Variants in GMDS observed in about 807,000 individuals in gnomAD.
The protein encoded by GMDS is GDP-mannose 4,6-dehydratase, also known as GDP-mannose 4,6 dehydratase.
A neutral mutation model predicts 49.9 loss-of-function variants in GMDS; 20 were observed. The observed-to-expected ratio is 0.40, with a 90% CI of 0.28 to 0.58. GMDS has a LOEUF of 0.58. GMDS is among the 20% of genes least tolerant of loss of function. GMDS has a pLI of 0.42. For synonymous variants in GMDS, 177 were observed against 178.6 expected (o/e 0.99, Z 0.07); for missense variants, 362 against 481.4 (o/e 0.75, Z 2.32).
intron 4 of GMDS, among the ~76,000 whole-genome samples, chr6:2,111,048 G>A (rs1163307399): frequency 6.6e-6 from 1 of 152,192 alleles, no homozygotes; most frequent in African/African-American, 2.4e-5. Flanking sequence ...TAGGTTCACT[G>A]TAGAAAGATC....
At chr6:2,112,963 T>C (rs1476721783) in intron 4 of GMDS, among the ~76,000 whole-genome samples, 7 of 152,168 alleles carry the variant, frequency 4.6e-5, no homozygotes, top group South Asian at 2.1e-4. Context: ...TTTCTCCAGT[T>C]ACTACTTGGC....
intron 1 of GMDS, among the ~76,000 whole-genome samples, chr6:2,231,083 G>C (rs6925655): frequency 0.042 from 6,439 of 151,648 alleles, 379 homozygotes; most frequent in African/African-American, 0.13. Flanking sequence ...CACCCAGAAG[G>C]TCCCCAAAAC....
At chr6:1,819,562 A>G (rs1770800836) in intron 7 of GMDS, among the ~76,000 whole-genome samples, 1 of 151,922 alleles carries the variant, frequency 6.6e-6, no homozygotes, top group African/African-American at 2.4e-5. Flanking sequence ...GAAGTTTGAG[A>G]CCAGCCTGGC....
chr6:1,840,627 T>A (rs1246997701), intron 7 of GMDS, among the ~76,000 whole-genome samples: 1 of 152,192 alleles, frequency 6.6e-6, no homozygotes, highest in Non-Finnish European at 1.5e-5. Flanking sequence ...TAGGGCCAGA[T>A]GCTCGTTTTT....
In GMDS at chr6:1,721,263, G is replaced by A. The variant is rs140400086; in HGVS notation, c.987+5153C>T. On this transcript the variant is annotated intron_variant, in intron 9 of 10. Transcript: ENST00000380815. The stretch of plus-strand genomic sequence containing the variant: ...AGGCCACATGTTTTTACGGGAGGAA[G>A]GTGTTGTTTTAACTAGCTTGTTGGA... Among the ~76,000 whole-genome samples the A allele has an allele frequency of 3.6e-3, 551 of 152,230 alleles. 5 individuals carry two copies. Among genetic ancestry groups the A allele is most frequent in the African/African-American group, 0.012 (504 of 41,538 alleles).
chr6:1,907,285 G>A (rs1760826130), intron 7 of GMDS, among the ~76,000 whole-genome samples: 1 of 152,152 alleles, frequency 6.6e-6, no homozygotes, highest in Non-Finnish European at 1.5e-5. Flanking sequence ...ATGAGAAACT[G>A]GTGGATGGGT....
At chr6:1,981,642 G>T (rs1241117057) in intron 4 of GMDS, among the ~76,000 whole-genome samples, 1 of 152,076 alleles carries the variant, frequency 6.6e-6, no homozygotes, top group African/African-American at 2.4e-5. Flanking sequence ...AAAAATTGAG[G>T]ATGAGGGACT....
chr6:1,856,111 A>G (rs1449919208), intron 7 of GMDS, among the ~76,000 whole-genome samples: 1 of 152,176 alleles, frequency 6.6e-6, no homozygotes, highest in East Asian at 1.9e-4. Context: ...AAGTACATAG[A>G]CTGCCTCAGG....
chr6:1,813,665 T>C (rs568273677), intron 7 of GMDS, among the ~76,000 whole-genome samples: 3 of 152,268 alleles, frequency 2.0e-5, no homozygotes, highest in African/African-American at 4.8e-5. Flanking sequence ...AGCATCCCCA[T>C]GCGACACGTA....
At chr6:1,945,890 T>C (rs1224755814) in intron 6 of GMDS, among the ~76,000 whole-genome samples, 3 of 152,226 alleles carry the variant, frequency 2.0e-5, no homozygotes, top group African/African-American at 7.2e-5. Flanking sequence ...AAGGTATCTG[T>C]CATTCAGCAG....
chr6:1,987,832 C>T (rs1765654730), intron 4 of GMDS, among the ~76,000 whole-genome samples: 1 of 152,156 alleles, frequency 6.6e-6, no homozygotes, highest in South Asian at 2.1e-4. Context: ...AGGCCAAGTG[C>T]TTTACATGCA....
At chr6:2,105,106 C>T (rs903678498) in intron 4 of GMDS, among the ~76,000 whole-genome samples, 32 of 144,414 alleles carry the variant, frequency 2.2e-4, no homozygotes, top group African/African-American at 7.5e-4. Flanking sequence ...GGCGTGAACC[C>T]GGGAGGCGGA....
At chr6:2,036,549 T>C (rs538874962) in intron 4 of GMDS, among the ~76,000 whole-genome samples, 40 of 152,302 alleles carry the variant, frequency 2.6e-4, no homozygotes, top group African/African-American at 2.9e-4. Context: ...ACAAGGCATA[T>C]AGAAATTCCT....
At chr6:1,995,621 C>T (rs1394550632) in intron 4 of GMDS, among the ~76,000 whole-genome samples, 1 of 152,142 alleles carries the variant, frequency 6.6e-6, no homozygotes, top group African/African-American at 2.4e-5. Context: ...AATCTTCCAC[C>T]ACTGCCCCCA....
At chr6:1,989,180 A>G (rs1315072948) in intron 4 of GMDS, among the ~76,000 whole-genome samples, 1 of 152,258 alleles carries the variant, frequency 6.6e-6, no homozygotes, top group Non-Finnish European at 1.5e-5. Context: ...CTGGTGGTTA[A>G]TGCAATACTT....
intron 8 of GMDS, among the ~76,000 whole-genome samples, chr6:1,735,734 T>C (rs1020042242): frequency 6.6e-6 from 1 of 152,200 alleles, no homozygotes; most frequent in Non-Finnish European, 1.5e-5. Flanking sequence ...CCAGCTTACA[T>C]CTAACTTTCT....
chr6:1,732,346 T>A (rs1455331988), intron 8 of GMDS, among the ~76,000 whole-genome samples: 2 of 151,844 alleles, frequency 1.3e-5, no homozygotes, highest in African/African-American at 4.8e-5. Context: ...CAAATAAAAA[T>A]AAAAAAAGAT....
intron 1 of GMDS, among the ~76,000 whole-genome samples, chr6:2,210,897 G>A (rs1039527618): frequency 6.6e-6 from 1 of 152,162 alleles, no homozygotes; most frequent in South Asian, 2.1e-4. Context: ...TCATGGGGGC[G>A]GATGTCCCCC....
chr6:1,821,625 T>G (rs927171832), intron 7 of GMDS, among the ~76,000 whole-genome samples: 5 of 149,996 alleles, frequency 3.3e-5, no homozygotes, highest in South Asian at 2.1e-4. Context: ...TTTTTTTTTT[T>G]TTTTTTTTTT....
Sources: gnomAD v4.1 joint callset for allele counts (sites outside exome capture counted in the v4.1 genomes callset) on GRCh38, gnomAD v4.1.1 for gene constraint, MANE v1.5 for transcripts, NCBI Gene and HGNC (gene_info 2026-07-23, HGNC 2026-07-21) for gene names.